ROCK2: variants seen among roughly 807,000 people sequenced by gnomAD.
ROCK2 encodes Rho associated coiled-coil containing protein kinase 2.
In ROCK2, 61 loss-of-function variants were observed where a neutral mutation model predicts 195.1. That is an observed-to-expected ratio of 0.31 (90% CI 0.25 to 0.39). ROCK2 has a LOEUF of 0.39. ROCK2 is among the 10% of genes least tolerant of loss of function. The pLI, the probability that ROCK2 is intolerant of heterozygous loss-of-function variation, is 1.00. For missense variants in ROCK2, 1,109 were observed against 1,637.4 expected (o/e 0.68, Z 5.57); for synonymous variants, 504 against 545.5 (o/e 0.92, Z 1.06).
Position 11,264,863 on chromosome 2 carries a change from T to C in ROCK2, c.325-15065A>G, listed in dbSNP as rs182403479. Among the ~76,000 whole-genome samples the C allele has an allele frequency of 6.8e-3, 1,036 of 152,244 alleles. 37 individuals are homozygous for C. Among genetic ancestry groups the C allele is most frequent in the Admixed American group, 0.061 (927 of 15,288 alleles). The stretch of plus-strand genomic sequence containing the variant: ...AATATTACTAAGAGTTTGAGTGAGA[T>C]GAAAGTGAAATACTATACAGCCAAT... On this transcript the variant is annotated intron_variant, in intron 3 of 32. Coordinates refer to ENST00000315872, the MANE Select transcript of ROCK2 (RefSeq NM_004850.5).
At chr2:11,276,895 G>A (rs549732527) in intron 3 of ROCK2, among the ~76,000 whole-genome samples, 11 of 152,258 alleles carry the variant, frequency 7.2e-5, no homozygotes, top group Admixed American at 2.6e-4. Context: ...TACACCCCCC[G>A]TGAAGTGGTA....
intron 3 of ROCK2, among the ~76,000 whole-genome samples, chr2:11,250,449 C>T (rs1020538840): frequency 2.6e-5 from 4 of 152,132 alleles, no homozygotes; most frequent in Admixed American, 1.3e-4. Flanking sequence ...AAGAACATAG[C>T]AAATTGTTCA....
intron 5 of ROCK2, among the ~76,000 whole-genome samples, chr2:11,233,285 A>G (rs1048315318): frequency 2.0e-5 from 3 of 152,212 alleles, no homozygotes; most frequent in African/African-American, 4.8e-5. Flanking sequence ...CCTTAGTCCA[A>G]TAAGATGAAC....
At chr2:11,257,767 G>A (rs541915970) in intron 3 of ROCK2, among the ~76,000 whole-genome samples, 1 of 151,312 alleles carries the variant, frequency 6.6e-6, no homozygotes, top group Non-Finnish European at 1.5e-5. Flanking sequence ...TAGGAGATTC[G>A]AAATCAAACC....
chr2:11,285,382 A>C (rs1427814171), intron 3 of ROCK2, among the ~76,000 whole-genome samples: 1 of 152,088 alleles, frequency 6.6e-6, no homozygotes, highest in Non-Finnish European at 1.5e-5. Flanking sequence ...AAACTAGTAC[A>C]TTAGTTATAA....
chr2:11,222,267 A>T (rs1176326227), intron 7 of ROCK2, 93 bp from the exon 8 acceptor site: 3 of 681,488 alleles, frequency 4.4e-6, no homozygotes, highest in Non-Finnish European at 4.9e-6. Context: ...AAAGATCTCA[A>T]GTAAATTTGA....
intron 5 of ROCK2, among the ~76,000 whole-genome samples, chr2:11,231,368 C>A (rs1027814291): frequency 6.6e-6 from 1 of 151,958 alleles, no homozygotes; most frequent in Non-Finnish European, 1.5e-5. Flanking sequence ...CCATCATGCC[C>A]GGCTAATTCT....
intron 1 of ROCK2, 99 bp downstream of exon 1, chr2:11,343,897 C>G: frequency 7.1e-7 from 1 of 1,409,124 alleles, no homozygotes; most frequent in Non-Finnish European, 9.4e-7. Flanking sequence ...GGGGCAAGAC[C>G]TCCCCCTCCC....
intron 32 of ROCK2, among the ~76,000 whole-genome samples, chr2:11,187,389 T>G (rs1041350691): frequency 2.6e-5 from 4 of 152,246 alleles, no homozygotes; most frequent in African/African-American, 7.2e-5. Context: ...TGTTAGTCAC[T>G]TACTAATGGT....
Position 11,217,155 on chromosome 2 carries a change from C to T in ROCK2, c.1347G>A (p.Leu449=). The T allele has an allele frequency of 2.6e-6, 4 of 1,556,100 alleles. No homozygotes were observed. The highest frequency in any genetic ancestry group is 3.5e-6 in the Non-Finnish European group (4 of 1,129,566). Residue 449 remains leucine, a synonymous_variant, in exon 12 of 33, where the codon CTG becomes CTA. Transcript: ENST00000315872. ...NEESQEIQKK[L]YTLEEHLSNE... is the part of the protein sequence containing the mutation. The stretch of plus-strand genomic sequence containing the variant: ...TGCTAAGATGTTCTTCTAATGTATA[C>T]AGTTTTTTCTGAATCTGTCAAAAAA...
intron 5 of ROCK2, among the ~76,000 whole-genome samples, chr2:11,230,797 GTCAA>G (rs1313243978): frequency 6.6e-6 from 1 of 152,012 alleles, no homozygotes; most frequent in Non-Finnish European, 1.5e-5. Flanking sequence ...CACAAAACTG[GTCAA>G]TCAGAAATCT....
chr2:11,256,193 G>T lies in ROCK2; in HGVS notation c.325-6395C>A, dbSNP rs1434112774. Reference sequence around the variant, plus strand: ...AATAATTATATATTGATATGGTTTGGATTTGTGCCCCCACCCAAATTTCAG... The same window carrying T: ...AATAATTATATATTGATATGGTTTGTATTTGTGCCCCCACCCAAATTTCAG... On this transcript the variant is annotated intron_variant, in intron 3 of 32. Transcript: ENST00000315872. Among the ~76,000 whole-genome samples, 11 of 151,074 alleles carry T rather than the reference G, an allele frequency of 7.3e-5. 1 individual carries two copies. Among genetic ancestry groups the T allele is most frequent in the African/African-American group, 2.5e-4 (10 of 40,500 alleles).
intron 3 of ROCK2, among the ~76,000 whole-genome samples, chr2:11,266,441 GCTGCGCATGA>G (rs1666417388): frequency 6.6e-6 from 1 of 152,160 alleles, no homozygotes; most frequent in Admixed American, 6.5e-5. Flanking sequence ...ACACCATAAT[GCTGCGCATGA>G]CTGTACTGTG....
intron 1 of ROCK2, among the ~76,000 whole-genome samples, chr2:11,332,411 G>A (rs10754958): frequency 0.4 from 60,178 of 151,956 alleles, 13,500 homozygotes; most frequent in Admixed American, 0.52. Context: ...GTTGATTACC[G>A]TATTATTTCC....
intron 5 of ROCK2, among the ~76,000 whole-genome samples, chr2:11,229,686 TAGAA>T (rs1356686440): frequency 2.0e-5 from 3 of 146,684 alleles, no homozygotes; most frequent in African/African-American, 5.0e-5. Flanking sequence ...TTAGAGAAGG[TAGAA>T]AGAAACAAAA....
chr2:11,293,906 C>T (rs191599422), intron 1 of ROCK2, among the ~76,000 whole-genome samples: 3 of 152,184 alleles, frequency 2.0e-5, no homozygotes, highest in East Asian at 3.9e-4. Flanking sequence ...CACCTGTAAT[C>T]CCAGCACTCT....
intron 5 of ROCK2, among the ~76,000 whole-genome samples, chr2:11,230,123 G>A (rs932194379): frequency 1.3e-5 from 2 of 152,056 alleles, no homozygotes; most frequent in Non-Finnish European, 2.9e-5. Context: ...CTGTCAGCTG[G>A]CAGGGCCTAG....
intron 3 of ROCK2, among the ~76,000 whole-genome samples, chr2:11,283,587 C>CAAGAAAGAAAGAAAGA (rs55637351): frequency 0.39 from 49,217 of 125,356 alleles, 11,405 homozygotes; most frequent in Admixed American, 0.5. Flanking sequence ...AAAAAAAAAG[C>CAAGAAAGAAAGAAAGA]AAGAAAGAAA....
chr2:11,254,727 TA>T (rs10640683), intron 3 of ROCK2, among the ~76,000 whole-genome samples: 2,765 of 38,782 alleles, frequency 0.071, 118 homozygotes, highest in African/African-American at 0.22. Flanking sequence ...CCCTGTCTCT[TA>T]AAAAAAAAAA....
Sources: gnomAD v4.1 joint callset for allele counts (sites outside exome capture counted in the v4.1 genomes callset) on GRCh38, gnomAD v4.1.1 for gene constraint, MANE v1.5 for transcripts, NCBI Gene and HGNC (gene_info 2026-07-23, HGNC 2026-07-21) for gene names.